TNIK: variants seen among roughly 807,000 people sequenced by gnomAD.
TNIK encodes the protein TRAF2 and NCK interacting kinase.
TNIK carries 49 observed loss-of-function variants against 191.3 expected under a neutral mutation model. The ratio of observed to expected loss-of-function variants is 0.26; its 90% CI spans 0.20 to 0.32. The LOEUF is 0.32. Among genes scored for constraint, TNIK ranks in the 10% least tolerant of loss-of-function variants. The probability of loss-of-function intolerance (pLI) is 1.00; values close to 1 mark genes in which losing one functional copy is unlikely to be tolerated. For synonymous variants in TNIK, 594 were observed against 600.9 expected, an observed-to-expected ratio of 0.99 and a Z score of 0.17; for missense variants, 1,155 against 1,702.3, an observed-to-expected ratio of 0.68 and a Z score of 5.66.
intron 2 of TNIK, among the ~76,000 whole-genome samples, chr3:171,240,649 G>A (rs1744850062): frequency 6.6e-6 from 1 of 151,954 alleles, no homozygotes; most frequent in South Asian, 2.1e-4. Context: ...TCTTCCTTCT[G>A]CCACACTTGA....
chr3:171,104,021 T>G (rs1339901561), intron 21 of TNIK, among the ~76,000 whole-genome samples: 1 of 152,154 alleles, frequency 6.6e-6, no homozygotes, highest in African/African-American at 2.4e-5. Context: ...TTTTTGCTTC[T>G]GTGTTACTAA....
intron 1 of TNIK, among the ~76,000 whole-genome samples, chr3:171,420,438 C>T (rs1222454453): frequency 6.6e-6 from 1 of 152,098 alleles, no homozygotes; most frequent in Non-Finnish European, 1.5e-5. Context: ...AGTTCCAATC[C>T]AAAACCAGTG....
chr3:171,423,827 T>G (rs1724165928), intron 1 of TNIK, among the ~76,000 whole-genome samples: 1 of 152,182 alleles, frequency 6.6e-6, no homozygotes, highest in Non-Finnish European at 1.5e-5. Context: ...TATACAAAAA[T>G]TAATTCAAGA....
intron 22 of TNIK, among the ~76,000 whole-genome samples, chr3:171,094,257 C>T (rs921521425): frequency 3.9e-5 from 6 of 151,928 alleles, no homozygotes; most frequent in African/African-American, 1.5e-4. Flanking sequence ...GCCTCAGCCT[C>T]CCGAGTAGCT....
At chr3:171,324,049 G>A (rs573161890) in intron 2 of TNIK, among the ~76,000 whole-genome samples, 2 of 150,886 alleles carry the variant, frequency 1.3e-5, no homozygotes, top group East Asian at 1.9e-4. Flanking sequence ...AAAACAAAAC[G>A]AAAACACCCT....
At chr3:171,377,201 C>T (rs1295043228) in intron 1 of TNIK, among the ~76,000 whole-genome samples, 3 of 152,198 alleles carry the variant, frequency 2.0e-5, no homozygotes, top group African/African-American at 7.2e-5. Flanking sequence ...CAGCTGGCTA[C>T]TGGCAGAACA....
intron 2 of TNIK, among the ~76,000 whole-genome samples, chr3:171,353,963 C>A (rs1457842960): frequency 6.6e-6 from 1 of 151,990 alleles, no homozygotes; most frequent in Admixed American, 6.6e-5. Context: ...CCTCCAAATG[C>A]CCCCAAAAGG....
At chr3:171,313,205 G>C (rs1399381270) in intron 2 of TNIK, among the ~76,000 whole-genome samples, 1 of 151,962 alleles carries the variant, frequency 6.6e-6, no homozygotes, top group Middle Eastern at 3.2e-3. Flanking sequence ...GTGTATCTTT[G>C]TTATTTTTTT....
chr3:171,372,544 A>G (rs564665218), intron 1 of TNIK, among the ~76,000 whole-genome samples: 1 of 152,336 alleles, frequency 6.6e-6, no homozygotes, highest in African/African-American at 2.4e-5. Context: ...GATCCATGGA[A>G]GTGCTGGAGC....
intron 1 of TNIK, among the ~76,000 whole-genome samples, chr3:171,436,196 T>C (rs1726014235): frequency 6.7e-6 from 1 of 149,938 alleles, no homozygotes; most frequent in Non-Finnish European, 1.5e-5. Context: ...CCTGGTGCTC[T>C]GACAATACTC....
chr3:171,275,764 G>A lies in TNIK; in HGVS notation c.124-47543C>T, dbSNP rs1027171103. Among the ~76,000 whole-genome samples, 5 of 152,006 alleles carry A rather than the reference G, an allele frequency of 3.3e-5. No homozygotes were observed. The East Asian group carries it at 5.8e-4, about 18-fold the overall frequency. ...ACAAAAAAATTAGCCGGGCGTGGTGGTGGGTGCCTGTAGTCCCAGCTACTC... is the reference window on the plus strand; with the variant it reads ...ACAAAAAAATTAGCCGGGCGTGGTGATGGGTGCCTGTAGTCCCAGCTACTC... On this transcript the variant is annotated intron_variant, in intron 2 of 32. Transcript: ENST00000436636.
At chr3:171,185,754 G>A (rs1737284159) in intron 7 of TNIK, among the ~76,000 whole-genome samples, 1 of 152,180 alleles carries the variant, frequency 6.6e-6, no homozygotes. Flanking sequence ...GGTCTTTAAA[G>A]ACATCTTAGA....
At chr3:171,325,514 ATTATCTG>A (rs758508732) in intron 2 of TNIK, among the ~76,000 whole-genome samples, 34 of 152,322 alleles carry the variant, frequency 2.2e-4, no homozygotes, top group Middle Eastern at 3.4e-3. Context: ...AATGAGTATA[ATTATCTG>A]TTATCTGAAA....
chr3:171,082,235 C>T lies in TNIK; in HGVS notation c.3313+16G>A. 1.9e-6 allele frequency: 3 copies of T among 1,609,782 alleles called. No homozygotes were observed. The South Asian group carries it at 3.3e-5, about 18-fold the overall frequency. ...CGCTGTATGGACCTGGGGGACTCAT[C>T]ATCTTAGTAACATACCTGAAATTGT... On this transcript the variant is annotated intron_variant, in intron 27 of 32. Coordinates refer to ENST00000436636, the MANE Select transcript of TNIK (RefSeq NM_015028.4).
At chr3:171,233,468 T>A (rs1176033157) in intron 2 of TNIK, among the ~76,000 whole-genome samples, 3 of 152,232 alleles carry the variant, frequency 2.0e-5, no homozygotes, top group Admixed American at 2.0e-4. Context: ...ATCTATCATC[T>A]GTGTATCAAT....
intron 1 of TNIK, among the ~76,000 whole-genome samples, chr3:171,438,295 C>G (rs1395649917): frequency 2.6e-5 from 4 of 152,186 alleles, no homozygotes; most frequent in Non-Finnish European, 5.9e-5. Flanking sequence ...GCCTAGGACA[C>G]AGGTCTTTCC....
At chr3:171,270,337 C>T (rs1487519189) in intron 2 of TNIK, among the ~76,000 whole-genome samples, 1 of 152,080 alleles carries the variant, frequency 6.6e-6, no homozygotes, top group East Asian at 1.9e-4. Flanking sequence ...TAGGAAAAGG[C>T]TAGAAGACAG....
intron 2 of TNIK, among the ~76,000 whole-genome samples, chr3:171,319,240 C>T (rs769488111): frequency 2.6e-5 from 4 of 152,022 alleles, no homozygotes; most frequent in African/African-American, 4.8e-5. Context: ...GAAATTCTAT[C>T]TTGAGAAACG....
intron 2 of TNIK, among the ~76,000 whole-genome samples, chr3:171,336,191 GTTT>G (rs752500783): frequency 3.3e-5 from 5 of 151,982 alleles, no homozygotes; most frequent in Admixed American, 6.6e-5. Flanking sequence ...AACAAAATGG[GTTT>G]TTGTTTTCCT....
Sources: allele counts gnomAD v4.1 joint callset (sites outside exome capture counted in the v4.1 genomes callset), GRCh38; gene constraint gnomAD v4.1.1; transcripts MANE v1.5; gene names NCBI Gene and HGNC (gene_info 2026-07-23, HGNC 2026-07-21).